Variants in TTC28 observed in about 807,000 individuals in gnomAD.
The protein encoded by TTC28 is tetratricopeptide repeat protein 28.
TTC28 carries 61 observed loss-of-function variants against 198.0 expected under a neutral mutation model. The ratio of observed to expected loss-of-function variants is 0.31; its 90% CI spans 0.25 to 0.38. The LOEUF (loss-of-function observed/expected upper bound fraction) is 0.38. TTC28 is among the 10% of genes least tolerant of loss of function. TTC28 has a pLI of 1.00. For missense variants in TTC28, 2,678 were observed against 3,164.0 expected, an observed-to-expected ratio of 0.85 and a Z score of 3.69; for synonymous variants, 1,171 against 1,297.8, an observed-to-expected ratio of 0.90 and a Z score of 2.10.
chr22:28,456,210 C>T (rs1413839597), intron 2 of TTC28, among the ~76,000 whole-genome samples: 2 of 150,770 alleles, frequency 1.3e-5, no homozygotes, highest in Admixed American at 6.7e-5. Context: ...TCTGATATTC[C>T]GCCACTAAAA....
chr22:28,606,616 A>G (rs2050740669), intron 2 of TTC28, among the ~76,000 whole-genome samples: 1 of 152,152 alleles, frequency 6.6e-6, no homozygotes, highest in African/African-American at 2.4e-5. Flanking sequence ...AATTTTTCCA[A>G]AAGTAACTTT....
chr22:28,676,723 TAAAA>T (rs767914032), intron 1 of TTC28, among the ~76,000 whole-genome samples: 2 of 121,392 alleles, frequency 1.6e-5, no homozygotes, highest in Admixed American at 1.7e-4. Flanking sequence ...TTATTAGAAA[TAAAA>T]AAAAAAAAAA....
intron 5 of TTC28, among the ~76,000 whole-genome samples, chr22:28,249,330 A>C (rs946673429): frequency 7.2e-5 from 11 of 152,052 alleles, no homozygotes; most frequent in African/African-American, 2.4e-4. Context: ...GGCACGCAGG[A>C]AAAAAAATGC....
chr22:28,158,244 T>C (rs1392222160), intron 6 of TTC28, among the ~76,000 whole-genome samples: 2 of 151,982 alleles, frequency 1.3e-5, no homozygotes, highest in Non-Finnish European at 2.9e-5. Flanking sequence ...AAAACACTCA[T>C]GAAAGAAACT....
chr22:28,258,407 A>G (rs1931103293), intron 5 of TTC28, among the ~76,000 whole-genome samples: 1 of 152,144 alleles, frequency 6.6e-6, no homozygotes. Context: ...TCTTTATCTC[A>G]ACTGTATTAG....
At chr22:28,333,478 C>G (rs2045649288) in intron 2 of TTC28, among the ~76,000 whole-genome samples, 2 of 152,104 alleles carry the variant, frequency 1.3e-5, no homozygotes, top group Non-Finnish European at 2.9e-5. Flanking sequence ...GCAGAGAAAG[C>G]ATTTCAAGCA....
rs555306898 is a variant in TTC28, at chr22:28,310,240, A to C, written c.382-3597T>G. Among the ~76,000 whole-genome samples the C allele has an allele frequency of 2.0e-5, 3 of 152,144 alleles. No individual in the cohort carries two copies. In the South Asian group the frequency reaches 6.2e-4, roughly 32 times the overall value. ...GAGGGAAAAAATATAAAAAGCTCTA[A>C]GTGTCTTGACTGCTGGCTGCAGTAA... On this transcript the variant is annotated intron_variant, in intron 2 of 22. Coordinates refer to ENST00000397906, the MANE Select transcript of TTC28 (RefSeq NM_001145418.2).
At chr22:28,226,457 AC>A (rs1392254867) in intron 5 of TTC28, among the ~76,000 whole-genome samples, 1 of 151,808 alleles carries the variant, frequency 6.6e-6, no homozygotes, top group African/African-American at 2.4e-5. Flanking sequence ...ACAGAGTCTC[AC>A]TCTGTCTTTC....
chr22:28,336,072 C>T (rs1343075378), intron 2 of TTC28, among the ~76,000 whole-genome samples: 1 of 152,086 alleles, frequency 6.6e-6, no homozygotes, highest in Non-Finnish European at 1.5e-5. Flanking sequence ...TTGTCAAAGG[C>T]CTTTTCTGCA....
rs552844925 is a variant in TTC28, at chr22:28,285,157, C to T, written c.933+11041G>A. Among the ~76,000 whole-genome samples the T allele has an allele frequency of 9.2e-5, 14 of 152,114 alleles. No homozygotes were observed. The South Asian group carries it at 2.9e-3, about 32-fold the overall frequency. On this transcript the variant is annotated intron_variant, in intron 5 of 22. Coordinates refer to ENST00000397906, the MANE Select transcript of TTC28 (RefSeq NM_001145418.2). ...GTGTGTTTGTGTGTGTACACATACA[C>T]ATACATACACACACATACATACAAA...
chr22:28,121,953 C>T (rs1225385377), intron 6 of TTC28, among the ~76,000 whole-genome samples: 3 of 152,148 alleles, frequency 2.0e-5, no homozygotes, highest in Non-Finnish European at 4.4e-5. Flanking sequence ...CTGCAAACTC[C>T]GCCTCCCAGG....
chr22:28,621,571 A>T (rs185181607), intron 2 of TTC28, among the ~76,000 whole-genome samples: 38 of 151,190 alleles, frequency 2.5e-4, no homozygotes, highest in East Asian at 7.8e-4. Flanking sequence ...ATAATAATAA[A>T]AAAAATAAAA....
intron 2 of TTC28, among the ~76,000 whole-genome samples, chr22:28,570,599 T>C (rs1669297217): frequency 6.6e-6 from 1 of 152,184 alleles, no homozygotes. Context: ...TATTGGGTGC[T>C]ATGTTTATTA....
chr22:28,545,770 C>T (rs951620366), intron 2 of TTC28, among the ~76,000 whole-genome samples: 11 of 151,882 alleles, frequency 7.2e-5, no homozygotes, highest in South Asian at 2.1e-4. Flanking sequence ...ATAAATCTAA[C>T]GTAATACATG....
chr22:28,133,910 T>C (rs973074236), intron 6 of TTC28, among the ~76,000 whole-genome samples: 2 of 152,184 alleles, frequency 1.3e-5, no homozygotes, highest in Non-Finnish European at 2.9e-5. Context: ...ACAGACTGCC[T>C]CCTGAAGTGG....
At chr22:28,083,012 T>G (rs1404287846) in intron 12 of TTC28, among the ~76,000 whole-genome samples, 1 of 152,048 alleles carries the variant, frequency 6.6e-6, no homozygotes, top group African/African-American at 2.4e-5. Flanking sequence ...TATATTTCTA[T>G]AAATCTGCAA....
intron 2 of TTC28, among the ~76,000 whole-genome samples, chr22:28,626,325 T>A (rs577498422): frequency 2.0e-5 from 3 of 152,194 alleles, no homozygotes; most frequent in South Asian, 4.1e-4. Context: ...AAATTCTCCA[T>A]CTAGTCTCTG....
chr22:28,234,169 A>T (rs1929048876), intron 5 of TTC28, among the ~76,000 whole-genome samples: 1 of 151,730 alleles, frequency 6.6e-6, no homozygotes, highest in Admixed American at 6.6e-5. Context: ...GCCTCCCAAA[A>T]TGCTGGGATT....
At chr22:28,401,466 A>G (rs1317388578) in intron 2 of TTC28, among the ~76,000 whole-genome samples, 1 of 152,044 alleles carries the variant, frequency 6.6e-6, no homozygotes, top group Admixed American at 6.5e-5. Context: ...AAATACAAAA[A>G]TTAGCCAGAC....
Sources: allele counts gnomAD v4.1 joint callset (sites outside exome capture counted in the v4.1 genomes callset), GRCh38; gene constraint gnomAD v4.1.1; transcripts MANE v1.5; gene names NCBI Gene and HGNC (gene_info 2026-07-23, HGNC 2026-07-21).